NMNAT2: variants seen among roughly 807,000 people sequenced by gnomAD.
NMNAT2 encodes nicotinamide/nicotinic acid mononucleotide adenylyltransferase 2.
NMNAT2 carries 11 observed loss-of-function variants against 41.6 expected under a neutral mutation model. The ratio of observed to expected loss-of-function variants is 0.26; its 90% CI spans 0.17 to 0.44. NMNAT2 has a LOEUF of 0.44. Among genes scored for constraint, NMNAT2 ranks in the 20% least tolerant of loss-of-function variants. The pLI, the probability that NMNAT2 is intolerant of heterozygous loss-of-function variation, is 1.00. For synonymous variants in NMNAT2, 148 were observed against 151.2 expected (o/e 0.98, Z 0.16); for missense variants, 288 against 407.7 (o/e 0.71, Z 2.53).
intron 1 of NMNAT2, among the ~76,000 whole-genome samples, chr1:183,347,858 C>G (rs2102349902): frequency 6.6e-6 from 1 of 152,238 alleles, no homozygotes; most frequent in Non-Finnish European, 1.5e-5. Flanking sequence ...GACTTCAGCC[C>G]TTTTTATTCA....
chr1:183,406,827 T>G (rs1357757927), intron 1 of NMNAT2, among the ~76,000 whole-genome samples: 2 of 146,948 alleles, frequency 1.4e-5, no homozygotes, highest in Non-Finnish European at 3.0e-5. Context: ...TTTTTTTTTT[T>G]TTTTTTTTTG....
chr1:183,285,481 C>G (rs895793433), intron 5 of NMNAT2, among the ~76,000 whole-genome samples: 14 of 152,216 alleles, frequency 9.2e-5, no homozygotes, highest in Admixed American at 5.9e-4. Flanking sequence ...TCCCTCTGGG[C>G]TCCAATCCAG....
chr1:183,397,839 C>G (rs953722130), intron 1 of NMNAT2, among the ~76,000 whole-genome samples: 1 of 152,134 alleles, frequency 6.6e-6, no homozygotes, highest in Non-Finnish European at 1.5e-5. Context: ...GAAATAAAAT[C>G]CTTTACAGAC....
chr1:183,338,372 G>A (rs547046468), intron 1 of NMNAT2, among the ~76,000 whole-genome samples: 1 of 73,120 alleles, frequency 1.4e-5, no homozygotes, highest in African/African-American at 5.0e-5. Context: ...AAAAAATTAG[G>A]TGTGGGGTTG....
chr1:183,415,981 C>T (rs1649240227), intron 1 of NMNAT2, among the ~76,000 whole-genome samples: 2 of 152,042 alleles, frequency 1.3e-5, no homozygotes, highest in Non-Finnish European at 1.5e-5. Flanking sequence ...GGACTTTGTT[C>T]ACATTCTGCC....
intron 1 of NMNAT2, among the ~76,000 whole-genome samples, chr1:183,318,983 G>A (rs1312430059): frequency 6.6e-6 from 1 of 152,168 alleles, no homozygotes; most frequent in African/African-American, 2.4e-5. Context: ...GGCAGAAATG[G>A]GAATCATATA....
rs140277244 is a variant in NMNAT2 at position 183,379,981 on chromosome 1, T to C, written c.85+38202A>G. On this transcript the variant is annotated intron_variant, in intron 1 of 10. Coordinates refer to ENST00000287713, the MANE Select transcript of NMNAT2 (RefSeq NM_015039.4). ...GTCCTTCATGGAACTGTTTTCTTAA[T>C]TGTACTTCGATGTTCTGCCAGCAAC... 2.0e-4 allele frequency among the ~76,000 whole-genome samples: 30 copies of C among 152,374 alleles called. No individual in the cohort carries two copies. The South Asian group carries it at 3.1e-3, about 16-fold the overall frequency.
chr1:183,346,050 G>A (rs1398503089), intron 1 of NMNAT2, among the ~76,000 whole-genome samples: 7 of 152,060 alleles, frequency 4.6e-5, no homozygotes, highest in Non-Finnish European at 8.8e-5. Flanking sequence ...GGAAATGAAC[G>A]AATATATCCC....
chr1:183,314,519 A>T (rs749443727), intron 1 of NMNAT2, among the ~76,000 whole-genome samples: 3 of 152,084 alleles, frequency 2.0e-5, no homozygotes, highest in Non-Finnish European at 4.4e-5. Flanking sequence ...CTGGCACCCA[A>T]CTGATGCTCA....
Position 183,260,991 on chromosome 1 carries a change from G to A in NMNAT2, c.821+11C>T. The A allele has an allele frequency of 6.2e-7, 1 of 1,608,684 alleles. No homozygotes were observed. Among genetic ancestry groups the A allele is most frequent in the Non-Finnish European group, 8.5e-7 (1 of 1,175,010 alleles). The stretch of plus-strand genomic sequence containing the variant: ...TTGACTAAAGTCTCTCTGGCCATTT[G>A]TCAAACATACCTGCTCTTGGTTGAG... On this transcript the variant is annotated intron_variant, in intron 10 of 10. Transcript: ENST00000287713.
intron 4 of NMNAT2, among the ~76,000 whole-genome samples, chr1:183,289,448 C>T (rs1351773281): frequency 6.6e-6 from 1 of 152,242 alleles, no homozygotes; most frequent in African/African-American, 2.4e-5. Context: ...GTCTCTGCAG[C>T]CCGGCCACAG....
rs181428184 is a variant in NMNAT2 at position 183,284,584 on chromosome 1, C to T, written c.529+126G>A. 2.2e-4 allele frequency: 179 copies of T among 806,100 alleles called. No homozygotes were observed. The African/African-American group carries it at 2.5e-3, about 11-fold the overall frequency. The allele number at this position is 806,100 out of a possible 1,614,324, so 49.9% of individuals were successfully genotyped here. A position where few individuals can be genotyped will look rare whatever the true frequency, so the allele number is the denominator to read the frequency against. On this transcript the variant is annotated intron_variant, in intron 6 of 10. Coordinates refer to ENST00000287713, the MANE Select transcript of NMNAT2 (RefSeq NM_015039.4). ...TGGGGGGATACGTTGTGCACAAGTA[C>T]GCACACACACACAATCACGGGAATT...
At chr1:183,389,153 C>T (rs1187980556) in intron 1 of NMNAT2, among the ~76,000 whole-genome samples, 1 of 152,172 alleles carries the variant, frequency 6.6e-6, no homozygotes, top group Non-Finnish European at 1.5e-5. Context: ...CATCCCTTCA[C>T]CCTCTCACAG....
chr1:183,268,304 G>A (rs1010030710), intron 8 of NMNAT2, among the ~76,000 whole-genome samples: 1 of 152,132 alleles, frequency 6.6e-6, no homozygotes, highest in African/African-American at 2.4e-5. Flanking sequence ...GCTTTGAGTG[G>A]GTGGATGACT....
intron 8 of NMNAT2, among the ~76,000 whole-genome samples, chr1:183,271,991 G>A (rs752024100): frequency 6.6e-6 from 1 of 152,184 alleles, no homozygotes; most frequent in Non-Finnish European, 1.5e-5. Context: ...GACCTTAGGT[G>A]ATCCACCTGC....
chr1:183,362,124 A>C (rs1663319194), intron 1 of NMNAT2, among the ~76,000 whole-genome samples: 1 of 152,086 alleles, frequency 6.6e-6, no homozygotes, highest in Non-Finnish European at 1.5e-5. Context: ...TTTTTTGTCA[A>C]GACGGGATTT....
chr1:183,360,961 C>T (rs1663294547), intron 1 of NMNAT2, among the ~76,000 whole-genome samples: 1 of 152,136 alleles, frequency 6.6e-6, no homozygotes, highest in South Asian at 2.1e-4. Context: ...CCTAGCTCTC[C>T]ACCAACCCCT....
chr1:183,407,962 C>T (rs1290984152), intron 1 of NMNAT2, among the ~76,000 whole-genome samples: 1 of 152,132 alleles, frequency 6.6e-6, no homozygotes, highest in Non-Finnish European at 1.5e-5. Context: ...AACCAAACAC[C>T]AGAAAATCAT....
chr1:183,391,510 A>G (rs905178972), intron 1 of NMNAT2, among the ~76,000 whole-genome samples: 2 of 151,584 alleles, frequency 1.3e-5, no homozygotes, highest in African/African-American at 4.9e-5. Flanking sequence ...GCATAAAAGC[A>G]TGCTGTTATT....
Sources: gnomAD v4.1 joint callset for allele counts (sites outside exome capture counted in the v4.1 genomes callset) on GRCh38, gnomAD v4.1.1 for gene constraint, MANE v1.5 for transcripts, NCBI Gene and HGNC (gene_info 2026-07-23, HGNC 2026-07-21) for gene names.